The following ASTN2 variants were observed in gnomAD, a reference collection of about 807,000 sequenced individuals.
ASTN2 encodes astrotactin-2.
ASTN2 carries 54 observed loss-of-function variants against 139.8 expected under a neutral mutation model. That is an observed-to-expected ratio of 0.39 (90% CI 0.31 to 0.48). ASTN2 has a LOEUF of 0.48. Among genes scored for constraint, ASTN2 ranks in the 20% least tolerant of loss-of-function variants. ASTN2 has a pLI of 0.95. For synonymous variants in ASTN2, 756 were observed against 719.5 expected, an observed-to-expected ratio of 1.05 and a Z score of -0.81; for missense variants, 1,565 against 1,725.1, an observed-to-expected ratio of 0.91 and a Z score of 1.64.
chr9:116,890,570 C>A (rs557851559), intron 10 of ASTN2, among the ~76,000 whole-genome samples: 2 of 152,324 alleles, frequency 1.3e-5, no homozygotes, highest in East Asian at 3.9e-4. Flanking sequence ...GATCTTTTGA[C>A]ACTTAAGCTT....
intron 7 of ASTN2, among the ~76,000 whole-genome samples, chr9:116,983,496 A>T (rs1836576349): frequency 1.3e-5 from 2 of 152,186 alleles, no homozygotes; most frequent in Non-Finnish European, 2.9e-5. Flanking sequence ...ATGCTTGCTT[A>T]CACCACCACA....
At chr9:116,769,567 A>G (rs1221746733) in intron 13 of ASTN2, among the ~76,000 whole-genome samples, 1 of 152,204 alleles carries the variant, frequency 6.6e-6, no homozygotes, top group Non-Finnish European at 1.5e-5. Flanking sequence ...AGAAGAAGTT[A>G]TTAATGACAT....
intron 10 of ASTN2, among the ~76,000 whole-genome samples, chr9:116,945,027 T>G (rs1250926566): frequency 2.0e-5 from 3 of 152,196 alleles, no homozygotes; most frequent in Non-Finnish European, 2.9e-5. Flanking sequence ...ATCCTTTCCA[T>G]CTATCCACTC....
At chr9:117,304,463 C>T (rs1221501957) in intron 1 of ASTN2, among the ~76,000 whole-genome samples, 1 of 152,184 alleles carries the variant, frequency 6.6e-6, no homozygotes, top group Admixed American at 6.5e-5. Context: ...AGAGTTGGTG[C>T]TTAATGGGCA....
intron 19 of ASTN2, among the ~76,000 whole-genome samples, chr9:116,556,255 C>T (rs1852609063): frequency 6.6e-6 from 1 of 152,154 alleles, no homozygotes; most frequent in East Asian, 1.9e-4. Flanking sequence ...ATTTATACTT[C>T]TTTGTCTTGA....
At chr9:116,929,368 C>T (rs755189839) in intron 10 of ASTN2, among the ~76,000 whole-genome samples, 49 of 152,096 alleles carry the variant, frequency 3.2e-4, no homozygotes, top group Admixed American at 9.8e-4. Context: ...CAATGCATTC[C>T]TTTGGTATAG....
intron 13 of ASTN2, among the ~76,000 whole-genome samples, chr9:116,752,408 A>G (rs776967982): frequency 6.6e-6 from 1 of 152,210 alleles, no homozygotes; most frequent in Non-Finnish European, 1.5e-5. Context: ...GTAAGTCTAA[A>G]TGTAAAAACC....
At chr9:116,774,592 C>G (rs963108002) in intron 13 of ASTN2, among the ~76,000 whole-genome samples, 2 of 152,174 alleles carry the variant, frequency 1.3e-5, no homozygotes, top group East Asian at 1.9e-4. Flanking sequence ...TTCTTCAGCA[C>G]TAGGTGACCC....
intron 3 of ASTN2, among the ~76,000 whole-genome samples, chr9:117,184,944 C>T (rs1831159894): frequency 6.6e-6 from 1 of 152,114 alleles, no homozygotes; most frequent in Non-Finnish European, 1.5e-5. Context: ...CTGAAAATAA[C>T]CTGAGAAGAG....
At chr9:116,803,522 A>ATATTTTT (rs1554748694) in intron 13 of ASTN2, among the ~76,000 whole-genome samples, 51 of 20,994 alleles carry the variant, frequency 2.4e-3, no homozygotes, top group Admixed American at 3.3e-3. Context: ...ATATATATAT[A>ATATTTTT]TTTTTTTTTT....
At chr9:117,160,064 G>A (rs1830513615) in intron 3 of ASTN2, among the ~76,000 whole-genome samples, 2 of 151,944 alleles carry the variant, frequency 1.3e-5, no homozygotes, top group African/African-American at 4.8e-5. Flanking sequence ...TAAGGCCTTC[G>A]TTTGTGTCCT....
At chr9:117,204,351 C>T (rs1423697876) in intron 3 of ASTN2, among the ~76,000 whole-genome samples, 1 of 152,166 alleles carries the variant, frequency 6.6e-6, no homozygotes, top group African/African-American at 2.4e-5. Context: ...AGCCACTGTC[C>T]CTGGCTGCCT....
intron 1 of ASTN2, among the ~76,000 whole-genome samples, chr9:117,342,368 C>G (rs139215702): frequency 6.6e-6 from 1 of 152,114 alleles, no homozygotes; most frequent in African/African-American, 2.4e-5. Flanking sequence ...CATGTTTGTT[C>G]GAATAATTCA....
At chr9:116,943,947 C>G (rs1369028859) in intron 10 of ASTN2, among the ~76,000 whole-genome samples, 2 of 151,902 alleles carry the variant, frequency 1.3e-5, no homozygotes, top group Non-Finnish European at 2.9e-5. Context: ...TTCTGCCCTC[C>G]AAGAGTTCAC....
intron 13 of ASTN2, among the ~76,000 whole-genome samples, chr9:116,780,929 T>C (rs1333376603): frequency 6.6e-6 from 1 of 151,444 alleles, no homozygotes; most frequent in Admixed American, 6.6e-5. Flanking sequence ...AACTTCCGCC[T>C]CCTGGGTTCA....
At chr9:116,790,381 C>T (rs566850979) in intron 13 of ASTN2, among the ~76,000 whole-genome samples, 1 of 152,250 alleles carries the variant, frequency 6.6e-6, no homozygotes, top group African/African-American at 2.4e-5. Flanking sequence ...CCCTTTGGTG[C>T]TTACATAGCC....
intron 10 of ASTN2, among the ~76,000 whole-genome samples, chr9:116,888,129 T>C (rs995785741): frequency 3.3e-5 from 5 of 152,102 alleles, no homozygotes; most frequent in Middle Eastern, 3.2e-3. Flanking sequence ...CCTGGCATGG[T>C]GGGTGGCTCA....
Position 116,698,234 on chromosome 9 carries a change from G to T in ASTN2, c.2806+27537C>A, listed in dbSNP as rs1177578647. 6.2e-7 allele frequency: 1 copy of T among 1,614,158 alleles called. No individual in the cohort carries two copies. Among genetic ancestry groups the T allele is most frequent in the Non-Finnish European group, 8.5e-7 (1 of 1,180,030 alleles). ...TGCGGGAACTTATGGGGGAGCTGCA[G>T]CGGCGGAAGGCAGCCTTGGAAGGTG... is the stretch of plus-strand genomic sequence containing the variant. On this transcript the variant is annotated intron_variant, in intron 16 of 22. Coordinates refer to ENST00000313400, the MANE Select transcript of ASTN2 (RefSeq NM_001365068.1). The surrounding 1 kb of genome is among the most constrained non-coding windows in gnomAD (Gnocchi z 4.4).
intron 5 of ASTN2, among the ~76,000 whole-genome samples, chr9:117,042,241 C>T (rs1838599742): frequency 7.2e-5 from 11 of 152,188 alleles, no homozygotes; most frequent in Admixed American, 6.5e-4. Flanking sequence ...ACCGTTACAA[C>T]AGCCCGTTGG....
Sources: allele counts gnomAD v4.1 joint callset (sites outside exome capture counted in the v4.1 genomes callset), GRCh38; gene constraint gnomAD v4.1.1; non-coding constraint Gnocchi (gnomAD v3.1); transcripts MANE v1.5; gene names NCBI Gene and HGNC (gene_info 2026-07-23, HGNC 2026-07-21).